MTMR9: variants seen among roughly 807,000 people sequenced by gnomAD.
MTMR9 encodes the protein myotubularin-related protein 9.
In MTMR9, 39 loss-of-function variants were observed where a neutral mutation model predicts 69.5. That is an observed-to-expected ratio of 0.56 (90% confidence interval 0.43 to 0.73). The LOEUF is 0.73. Ranked by LOEUF, MTMR9 falls within the 30% of genes least tolerant of loss-of-function variation. The pLI is 0.00. For synonymous variants in MTMR9, 354 were observed against 240.8 expected (o/e 1.47, Z -4.35); for missense variants, 900 against 671.2 (o/e 1.34, Z -3.77).
rs1285404621 is a variant in MTMR9 at position 11,327,839 on chromosome 8, CTT to C, written c.*5052_*5053del. On this transcript the variant is annotated 3_prime_UTR_variant, in exon 10 of 10. Transcript: ENST00000221086. ...ACGCACACACACATATACATACAGT[CTT>C]AGGGAAAAAAAAAAGCAGAACTTTT... 6.6e-6 allele frequency: 1 copy of C among 152,040 alleles called. No individual in the cohort carries two copies. Among genetic ancestry groups the C allele is most frequent in the Admixed American group, 6.6e-5 (1 of 15,230 alleles). 9.4% of individuals were successfully genotyped at this position (152,040 alleles called of 1,614,324 possible).
At position 11,323,054 on chromosome 8, in the gene MTMR9, A is replaced by G. The variant is rs541074941; in HGVS notation, c.*266A>G. On this transcript the variant is annotated 3_prime_UTR_variant, in exon 10 of 10. Transcript: ENST00000221086. The stretch of plus-strand genomic sequence containing the variant: ...TATTTTTACGTGAAATAGATGACCT[A>G]TTTAATGCCATTTGTGTTTCATGCC... 1.6e-4 allele frequency: 42 copies of G among 263,458 alleles called. No individual in the cohort carries two copies. Among genetic ancestry groups the G allele is most frequent in the African/African-American group, 6.7e-4 (30 of 44,946 alleles). 16.3% of individuals were successfully genotyped at this position (263,458 alleles called of 1,614,324 possible).
Position 11,300,121 on chromosome 8 carries a change from G to T in MTMR9, c.390G>T (p.Glu130Asp). The part of the protein sequence containing the change: ...IEDGWHSFLP[E>D]QEFELYSSAT... ...ATGGCTGGCATTCCTTCCTTCCTGA[G>T]CAAGAATTTGAACTCTATTCTTCAG... Residue 130 changes from glutamate to aspartate, a missense_variant, in exon 3 of 10, where the codon GAG becomes GAT. Glu to Asp is a conservative substitution (Grantham distance 45). Transcript: ENST00000221086. 1 of 1,613,398 alleles carries T rather than the reference G, an allele frequency of 6.2e-7. No homozygotes were observed. Among genetic ancestry groups the T allele is most frequent in the Non-Finnish European group, 8.5e-7 (1 of 1,179,534 alleles).
intron 9 of MTMR9, chr8:11,320,584 A>C (rs2572398): frequency 0.55 from 82,857 of 151,852 alleles, 23,743 homozygotes; most frequent in East Asian, 0.97. Context: ...CAAAAATTAA[A>C]CAGGCCAATT....
At chr8:11,287,881 C>T (rs529469454) in intron 1 of MTMR9, among the ~76,000 whole-genome samples, 2 of 117,622 alleles carry the variant, frequency 1.7e-5, no homozygotes, top group African/African-American at 3.5e-5. Context: ...TAATATATAA[C>T]ATATATAATA....
intron 8 of MTMR9, 96 bp downstream of exon 8, chr8:11,316,989 A>G (rs1019811846): frequency 7.4e-6 from 5 of 678,052 alleles, no homozygotes; most frequent in African/African-American, 3.6e-5. Context: ...ATTTGGATCT[A>G]TATTAAAATT....
chr8:11,304,130 T>C (rs1799849962), intron 3 of MTMR9, among the ~76,000 whole-genome samples: 1 of 152,196 alleles, frequency 6.6e-6, no homozygotes, highest in Admixed American at 6.5e-5. Flanking sequence ...AAGTTGTCAT[T>C]TGATAGTTTT....
At chr8:11,336,925 C>T in the MTMR9 span, among the ~76,000 whole-genome samples, 1 of 152,148 alleles carries the variant, frequency 6.6e-6, no homozygotes, top group Non-Finnish European at 1.5e-5. Context: ...TCAGATAACT[C>T]CCAGTTCATA....
At position 11,309,561 on chromosome 8, in the gene MTMR9, G is replaced by A. The variant is rs1800107755; in HGVS notation, c.844G>A (p.Val282Met). 1 of 1,613,772 alleles carries A rather than the reference G, an allele frequency of 6.2e-7. No individual in the cohort carries two copies. Among genetic ancestry groups the A allele is most frequent in the African/African-American group, 1.3e-5 (1 of 75,002 alleles). The change falls in exon 6 of 10, where the codon GTG (valine) becomes ATG (methionine). Residue 282 changes from valine (V) to methionine (M), a missense_variant. Physicochemically the swap from Val to Met is conservative, Grantham distance 21 (BLOSUM62 1). Coordinates refer to ENST00000221086, the MANE Select transcript of MTMR9 (RefSeq NM_015458.4). ...HILQESLIKL[V>M]EACNDQTHNM... ...TCTTCAGGAGAGCTTAATCAAACTT[G>A]TGGAAGCTTGTAATGACCAAACACA... is the stretch of plus-strand genomic sequence containing the variant.
At chr8:11,300,814 A>C (rs757591452) in intron 3 of MTMR9, 9 of 152,266 alleles carry the variant, frequency 5.9e-5, no homozygotes, top group Non-Finnish European at 1.2e-4. Context: ...TTGTTGGAAG[A>C]AGTTGCAAGA....
In MTMR9 at chr8:11,316,710, C is replaced by G; in HGVS notation, c.1151C>G (p.Ala384Gly). ...HPFQQRCAQSAYCNTKQKWEA... is the reference protein window; with the variant it reads ...HPFQQRCAQSGYCNTKQKWEA... ...TTCCAGCAGCGCTGTGCACAGTCAGCCTACTGTAACACCAAGCAGAAGTGG... is the reference window on the plus strand; with the variant it reads ...TTCCAGCAGCGCTGTGCACAGTCAGGCTACTGTAACACCAAGCAGAAGTGG... Residue 384 changes from alanine to glycine, a missense_variant, in exon 8 of 10, where the codon GCC becomes GGC. Transcript: ENST00000221086. The G allele has an allele frequency of 6.2e-7, 1 of 1,612,896 alleles. No homozygotes were observed. Among genetic ancestry groups the G allele is most frequent in the Non-Finnish European group, 8.5e-7 (1 of 1,179,478 alleles).
intron 6 of MTMR9, among the ~76,000 whole-genome samples, chr8:11,312,696 A>G (rs1800251343): frequency 6.6e-6 from 1 of 152,234 alleles, no homozygotes; most frequent in Non-Finnish European, 1.5e-5. Flanking sequence ...TGGCATCTAG[A>G]AAGGTGAATT....
chr8:11,286,055 C>A (rs548705755), intron 1 of MTMR9, among the ~76,000 whole-genome samples: 40 of 148,054 alleles, frequency 2.7e-4, no homozygotes, highest in African/African-American at 9.8e-4. Flanking sequence ...CAGGTTCTAG[C>A]GATTCTTCTG....
rs1354507411 is a variant in MTMR9 at position 11,309,633 on chromosome 8, A to G, written c.916A>G (p.Thr306Ala). The G allele has an allele frequency of 1.2e-6, 2 of 1,613,984 alleles. No homozygotes were observed. Among genetic ancestry groups the G allele is most frequent in the Admixed American group, 1.7e-5 (1 of 59,990 alleles). The stretch of plus-strand genomic sequence containing the variant: ...TAAATTGGAGGCCTCTAACTGGCTG[A>G]CTCACATCAAAGAGATTCTGACAAC... ...LSKLEASNWL[T>A]HIKEILTTAC... Residue 306 changes from threonine to alanine, a missense_variant, in exon 6 of 10, where the codon ACT (threonine) becomes GCT (alanine). Coordinates refer to ENST00000221086, the MANE Select transcript of MTMR9 (RefSeq NM_015458.4).
At chr8:11,290,653 A>G (rs2572425) in intron 1 of MTMR9, among the ~76,000 whole-genome samples, 3,716 of 152,164 alleles carry the variant, frequency 0.024, 143 homozygotes, top group African/African-American at 0.082. Flanking sequence ...TTTTCTCCAT[A>G]GAGCAAGCCA....
At chr8:11,319,516 C>A (rs988393435) in intron 8 of MTMR9, 171 bp from the exon 9 acceptor site, 5 of 641,096 alleles carry the variant, frequency 7.8e-6, no homozygotes, top group African/African-American at 3.7e-5. Flanking sequence ...AGTTCTAATG[C>A]CGATTGAGCT....
At chr8:11,311,881 C>CTGT (rs1563280141) in intron 6 of MTMR9, among the ~76,000 whole-genome samples, 1 of 144,896 alleles carries the variant, frequency 6.9e-6, no homozygotes, top group Non-Finnish European at 1.5e-5. Context: ...TATTCTAAAT[C>CTGT]TTTTTTTTTT....
Position 11,304,963 on chromosome 8 carries a change from A to C in MTMR9, c.540A>C (p.Arg180=), listed in dbSNP as rs769181879. The change falls in exon 4 of 10, where the codon CGA becomes CGC. Residue 180 remains arginine, a synonymous_variant. Coordinates refer to ENST00000221086, the MANE Select transcript of MTMR9 (RefSeq NM_015458.4). The part of the protein sequence containing the change: ...DEALRKVATF[R]HGGRFPVLSY... ...CTCTTCGGAAGGTAGCTACATTTCGACATGGAGGGCGCTTCCCAGTACTAA... is the reference window on the plus strand; with the variant it reads ...CTCTTCGGAAGGTAGCTACATTTCGCCATGGAGGGCGCTTCCCAGTACTAA... 28 of 1,613,968 alleles carry C rather than the reference A, an allele frequency of 1.7e-5. No individual in the cohort carries two copies. Among genetic ancestry groups the C allele is most frequent in the Non-Finnish European group, 3.4e-6 (4 of 1,179,976 alleles).
chr8:11,329,518 G>A (rs570780540), downstream of MTMR9, among the ~76,000 whole-genome samples: 39 of 152,372 alleles, frequency 2.6e-4, no homozygotes, highest in Admixed American at 1.8e-3. Flanking sequence ...GTTTCGCTGT[G>A]TTGGCCGGGC....
Position 11,309,681 on chromosome 8 carries a change from A to G in MTMR9, c.964A>G (p.Ile322Val). 1 of 1,613,530 alleles carries G rather than the reference A, an allele frequency of 6.2e-7. No homozygotes were observed. The highest frequency in any genetic ancestry group is 1.1e-5 in the South Asian group (1 of 91,038). The change falls in exon 6 of 10, where the codon ATC (isoleucine) becomes GTC (valine). Residue 322 changes from isoleucine to valine, a missense_variant. Coordinates refer to ENST00000221086, the MANE Select transcript of MTMR9 (RefSeq NM_015458.4). ...AACTGCCTGCCTAGCGGCTCAGTGC[A>G]TCGACAGGTAAAGTGCATTTCAGCG... is the stretch of plus-strand genomic sequence containing the variant. Reference protein sequence around the residue: ...LTTACLAAQCIDREGASILIH... With the variant: ...LTTACLAAQCVDREGASILIH...
Sources: gnomAD v4.1 joint callset for allele counts (sites outside exome capture counted in the v4.1 genomes callset) on GRCh38, gnomAD v4.1.1 for gene constraint, MANE v1.5 for transcripts, NCBI Gene and HGNC (gene_info 2026-07-23, HGNC 2026-07-21) for gene names.